The following LURAP1L variants were observed in gnomAD, a reference collection of about 807,000 sequenced individuals.
LURAP1L encodes leucine rich adaptor protein 1-like.
Under a neutral mutation model 13.8 loss-of-function variants are expected in LURAP1L, and 12 were observed. The ratio of observed to expected loss-of-function variants is 0.87; its 90% CI spans 0.56 to 1.41. The LOEUF (loss-of-function observed/expected upper bound fraction) is 1.41, where lower values mean the gene tolerates loss of function less well. Among genes scored for constraint, LURAP1L ranks in the 40% most tolerant of loss-of-function variants. The pLI is 0.00. For synonymous variants in LURAP1L, 139 were observed against 119.2 expected (o/e 1.17, Z -1.08); for missense variants, 375 against 292.9 (o/e 1.28, Z -2.04).
At chr9:12,804,593 T>C (rs1382599130) in intron 1 of LURAP1L, among the ~76,000 whole-genome samples, 1 of 152,168 alleles carries the variant, frequency 6.6e-6, no homozygotes, top group Non-Finnish European at 1.5e-5. Flanking sequence ...TCCGCTTGCC[T>C]CGGCCTCCAA....
intron 1 of LURAP1L, among the ~76,000 whole-genome samples, chr9:12,787,969 G>T (rs567912987): frequency 1.3e-5 from 2 of 151,784 alleles, no homozygotes; most frequent in African/African-American, 2.4e-5. Flanking sequence ...AAAATTAGCC[G>T]GGTGTGGTGG....
intron 1 of LURAP1L, among the ~76,000 whole-genome samples, chr9:12,820,548 C>A (rs1446966803): frequency 4.7e-5 from 6 of 128,930 alleles, no homozygotes; most frequent in Non-Finnish European, 9.3e-5. Flanking sequence ...CTAGAAGGCA[C>A]ATAAGGGAAT....
intron 1 of LURAP1L, among the ~76,000 whole-genome samples, chr9:12,809,829 C>A (rs1819712338): frequency 6.6e-6 from 1 of 152,148 alleles, no homozygotes; most frequent in Non-Finnish European, 1.5e-5. Context: ...CCTCTAGTAT[C>A]CTTGCTTTTG....
At chr9:12,795,824 G>C (rs1586880210) in intron 1 of LURAP1L, among the ~76,000 whole-genome samples, 2 of 152,080 alleles carry the variant, frequency 1.3e-5, no homozygotes, top group East Asian at 1.9e-4. Flanking sequence ...GGATCATTAA[G>C]GGATGTTGTA....
At chr9:12,785,406 C>G (rs1819336104) in intron 1 of LURAP1L, among the ~76,000 whole-genome samples, 1 of 152,090 alleles carries the variant, frequency 6.6e-6, no homozygotes, top group African/African-American at 2.4e-5. Context: ...TCTACTGGCT[C>G]TGAGCCCAGC....
chr9:12,777,575 CAT>C (rs1819206979), intron 1 of LURAP1L: 3 of 976,284 alleles, frequency 3.1e-6, no homozygotes, highest in Non-Finnish European at 3.7e-6. Context: ...CTTGTTGAAA[CAT>C]ATTTTCTTTC....
chr9:12,821,570 G>A lies in LURAP1L; in HGVS notation c.497G>A (p.Ser166Asn). 6.2e-7 allele frequency: 1 copy of A among 1,614,128 alleles called. No individual in the cohort carries two copies. Among genetic ancestry groups the A allele is most frequent in the Non-Finnish European group, 8.5e-7 (1 of 1,180,020 alleles). The change falls in exon 2 of 2, where the codon AGC becomes AAC. Residue 166 changes from serine (S) to asparagine (N), a missense_variant. Coordinates refer to ENST00000319264, the MANE Select transcript of LURAP1L (RefSeq NM_203403.2). ...ACCTCCTTACGTGGCAGCTACAACA[G>A]CCTACACGATGGCAGTGATGGGCTG... is the stretch of plus-strand genomic sequence containing the variant. The part of the protein sequence containing the change: ...QSTSLRGSYN[S>N]LHDGSDGLDG...
At chr9:12,816,034 T>C (rs1332108797) in intron 1 of LURAP1L, among the ~76,000 whole-genome samples, 1 of 152,210 alleles carries the variant, frequency 6.6e-6, no homozygotes, top group Non-Finnish European at 1.5e-5. Context: ...CTGTCTCCTC[T>C]ATAGCCTGAA....
intron 1 of LURAP1L, among the ~76,000 whole-genome samples, chr9:12,811,705 A>G (rs1257248261): frequency 6.6e-6 from 1 of 152,254 alleles, no homozygotes; most frequent in Non-Finnish European, 1.5e-5. Context: ...AGTGTGGTCT[A>G]TATACCAACA....
intron 1 of LURAP1L, among the ~76,000 whole-genome samples, chr9:12,779,435 C>A (rs540389620): frequency 6.6e-6 from 1 of 151,968 alleles, no homozygotes; most frequent in African/African-American, 2.4e-5. Flanking sequence ...CAACCACGCC[C>A]GGCTAATTTT....
rs1819887678 is a variant in LURAP1L, at chr9:12,821,962, T to C, written c.*202T>C. 1 of 496,598 alleles carries C rather than the reference T, an allele frequency of 2.0e-6. No individual in the cohort carries two copies. The allele number at this position is 496,598 out of a possible 1,614,324, so 30.8% of individuals were successfully genotyped here. A position where few individuals can be genotyped will look rare whatever the true frequency, so the allele number is the denominator to read the frequency against. ...ATTTTTCTCTGTTACATCTCTATTT[T>C]TTATTTATTACAATGATTTTCTCCC... is the stretch of plus-strand genomic sequence containing the variant. On this transcript the variant is annotated 3_prime_UTR_variant, in exon 2 of 2. Transcript: ENST00000319264.
chr9:12,786,961 G>C (rs1819364584), intron 1 of LURAP1L, among the ~76,000 whole-genome samples: 1 of 151,784 alleles, frequency 6.6e-6, no homozygotes, highest in African/African-American at 2.4e-5. Context: ...CTCTATTTTT[G>C]GTGAGCAGAA....
intron 1 of LURAP1L, among the ~76,000 whole-genome samples, chr9:12,786,583 A>ATATATATATATATAT (rs1384664118): frequency 1.0e-4 from 2 of 19,856 alleles, no homozygotes; most frequent in Non-Finnish European, 2.1e-4. Context: ...TATATATATA[A>ATATATATATATATAT]ACCCTTGTGC....
At chr9:12,781,113 A>G (rs898251077) in intron 1 of LURAP1L, among the ~76,000 whole-genome samples, 2 of 152,122 alleles carry the variant, frequency 1.3e-5, no homozygotes, top group Non-Finnish European at 2.9e-5. Context: ...CTGGGATTAC[A>G]GGCATGTGCC....
At chr9:12,808,914 A>G (rs2118531507) in intron 1 of LURAP1L, among the ~76,000 whole-genome samples, 1 of 152,332 alleles carries the variant, frequency 6.6e-6, no homozygotes, top group Middle Eastern at 3.4e-3. Context: ...TTAATGTATA[A>G]AGAAAACAGA....
intron 1 of LURAP1L, among the ~76,000 whole-genome samples, chr9:12,791,751 T>A (rs1819443976): frequency 1.3e-5 from 2 of 151,584 alleles, no homozygotes; most frequent in African/African-American, 4.9e-5. Flanking sequence ...CTTAAGAAAT[T>A]TGCACATGAT....
intron 1 of LURAP1L, among the ~76,000 whole-genome samples, chr9:12,819,500 C>G (rs10960813): frequency 6.6e-6 from 1 of 151,994 alleles, no homozygotes; most frequent in East Asian, 1.9e-4. Context: ...GAGGACAATT[C>G]GCTCTTTTCT....
chr9:12,796,115 A>G (rs1002082384), intron 1 of LURAP1L, among the ~76,000 whole-genome samples: 1 of 152,052 alleles, frequency 6.6e-6, no homozygotes, highest in African/African-American at 2.4e-5. Context: ...TTCCTAAACA[A>G]AGATTTAAAT....
At position 12,791,691 on chromosome 9, in the gene LURAP1L, TACACACAC is replaced by T. The variant is rs111521632; in HGVS notation, c.312+15681_312+15688del. The stretch of plus-strand genomic sequence containing the variant: ...CTCTCCTGCCCTCCTCCCTTCTTTT[TACACACAC>T]ACACACACACACACACTTTTTCTTA... On this transcript the variant is annotated intron_variant, in intron 1 of 1. Transcript: ENST00000319264. 7.7e-4 allele frequency among the ~76,000 whole-genome samples: 114 copies of T among 147,726 alleles called. 2 individuals carry two copies. The South Asian group carries it at 0.024, about 31-fold the overall frequency.
Sources: gnomAD v4.1 joint callset for allele counts (sites outside exome capture counted in the v4.1 genomes callset) on GRCh38, gnomAD v4.1.1 for gene constraint, MANE v1.5 for transcripts, NCBI Gene and HGNC (gene_info 2026-07-23, HGNC 2026-07-21) for gene names.